The following UBAP1 variants were observed in gnomAD, a reference collection of about 807,000 sequenced individuals.
UBAP1 encodes the protein ubiquitin-associated protein 1.
Under a neutral mutation model 39.0 loss-of-function variants are expected in UBAP1, and 5 were observed. That is an observed-to-expected ratio of 0.13 (90% confidence interval 0.07 to 0.27). The LOEUF is 0.27. Ranked by LOEUF, UBAP1 falls within the 10% of genes least tolerant of loss-of-function variation. The probability of loss-of-function intolerance (pLI) is 1.00; values close to 1 mark genes in which losing one functional copy is unlikely to be tolerated. For synonymous variants in UBAP1, 211 were observed against 225.1 expected (o/e 0.94, Z 0.56); for missense variants, 490 against 608.1 (o/e 0.81, Z 2.04).
intron 2 of UBAP1, among the ~76,000 whole-genome samples, chr9:34,227,508 C>G (rs960556744): frequency 1.3e-5 from 2 of 152,194 alleles, no homozygotes; most frequent in African/African-American, 2.4e-5. Context: ...TTTCTCCCCC[C>G]ACCTGGAATT....
intron 1 of UBAP1, among the ~76,000 whole-genome samples, chr9:34,216,411 C>A (rs1306259633): frequency 2.0e-5 from 3 of 152,138 alleles, no homozygotes; most frequent in Non-Finnish European, 4.4e-5. Flanking sequence ...TGCTTTCAGT[C>A]TCTTTGGATT....
chr9:34,181,494 G>T (rs978521180), intron 1 of UBAP1, among the ~76,000 whole-genome samples: 17 of 151,052 alleles, frequency 1.1e-4, no homozygotes, highest in Non-Finnish European at 7.4e-5. Flanking sequence ...GTGCAGTGGC[G>T]CGATCTCGGC....
intron 2 of UBAP1, among the ~76,000 whole-genome samples, chr9:34,225,033 A>G (rs1338666161): frequency 6.6e-6 from 1 of 152,142 alleles, no homozygotes; most frequent in Non-Finnish European, 1.5e-5. Context: ...TAGAGATTTT[A>G]TATCTTTTGG....
intron 1 of UBAP1, among the ~76,000 whole-genome samples, chr9:34,215,985 A>C (rs756286142): frequency 6.6e-6 from 1 of 152,070 alleles, no homozygotes; most frequent in Non-Finnish European, 1.5e-5. Flanking sequence ...AGCTCTATTG[A>C]GGCATGATTT....
chr9:34,240,687 A>G (rs1587877799), intron 3 of UBAP1, among the ~76,000 whole-genome samples: 1 of 152,284 alleles, frequency 6.6e-6, no homozygotes, highest in East Asian at 1.9e-4. Flanking sequence ...GTGGTTTAAG[A>G]GCATAGAATC....
chr9:34,246,876 G>T (rs928876538), intron 4 of UBAP1, among the ~76,000 whole-genome samples: 1 of 152,184 alleles, frequency 6.6e-6, no homozygotes, highest in African/African-American at 2.4e-5. Flanking sequence ...AATTTGGAAA[G>T]ATTTCATAAT....
At chr9:34,222,125 C>CA (rs999834205) in intron 2 of UBAP1, among the ~76,000 whole-genome samples, 8 of 151,306 alleles carry the variant, frequency 5.3e-5, no homozygotes, top group South Asian at 4.2e-4. Flanking sequence ...CTGACTCAAA[C>CA]AAAAAAAATA....
intron 3 of UBAP1, among the ~76,000 whole-genome samples, chr9:34,235,329 G>A (rs200205685): frequency 2.2e-4 from 31 of 139,348 alleles, no homozygotes; most frequent in Middle Eastern, 3.8e-3. Flanking sequence ...GTGTGTGTGT[G>A]TGTATATATA....
At chr9:34,189,406 C>T (rs1156380724) in intron 1 of UBAP1, among the ~76,000 whole-genome samples, 5 of 151,632 alleles carry the variant, frequency 3.3e-5, no homozygotes, top group South Asian at 2.1e-4. Flanking sequence ...CTAGGCTGGT[C>T]GCAAACTCCT....
intron 1 of UBAP1, among the ~76,000 whole-genome samples, chr9:34,192,340 C>T (rs554346226): frequency 1.5e-4 from 23 of 151,696 alleles, no homozygotes; most frequent in African/African-American, 5.5e-4. Flanking sequence ...CATGGTGAAA[C>T]CCCGTCTCTA....
Position 34,251,757 on chromosome 9 carries a change from T to C in UBAP1, c.*225T>C, listed in dbSNP as rs961701082. The C allele has an allele frequency of 3.9e-6, 2 of 514,868 alleles. No individual in the cohort carries two copies. Among genetic ancestry groups the C allele is most frequent in the African/African-American group, 1.9e-5 (1 of 52,958 alleles). The allele number at this position is 514,868 out of a possible 1,614,324, so 31.9% of individuals were successfully genotyped here. On this transcript the variant is annotated 3_prime_UTR_variant, in exon 7 of 7. Transcript: ENST00000297661. The stretch of plus-strand genomic sequence containing the variant: ...CCCAGAACTGTCCTGGCTCCTTCCG[T>C]ATTAAACGCATTTGCATTTTGAGAA...
intron 1 of UBAP1, among the ~76,000 whole-genome samples, chr9:34,182,669 T>TCTCTCTC (rs1563881247): frequency 4.3e-5 from 2 of 47,040 alleles, no homozygotes; most frequent in African/African-American, 1.0e-4. Flanking sequence ...CTTTCTTTCT[T>TCTCTCTC]TCTTTCTTTC....
intron 1 of UBAP1, among the ~76,000 whole-genome samples, chr9:34,199,786 C>T (rs1831266093): frequency 6.6e-6 from 1 of 151,180 alleles, no homozygotes; most frequent in Admixed American, 6.6e-5. Flanking sequence ...CAGGCACGTG[C>T]CACCATGCCT....
intron 3 of UBAP1, among the ~76,000 whole-genome samples, chr9:34,235,523 T>A (rs1202780336): frequency 6.6e-6 from 1 of 152,090 alleles, no homozygotes; most frequent in Non-Finnish European, 1.5e-5. Context: ...TATTTTTTAG[T>A]AGAGACGGGG....
chr9:34,203,103 G>GT (rs1831492983), intron 1 of UBAP1, among the ~76,000 whole-genome samples: 1 of 152,122 alleles, frequency 6.6e-6, no homozygotes, highest in South Asian at 2.1e-4. Flanking sequence ...GGATTTTGCA[G>GT]TTTAATTCAC....
intron 1 of UBAP1, among the ~76,000 whole-genome samples, chr9:34,190,792 A>G (rs1587792726): frequency 7.0e-6 from 1 of 143,272 alleles, no homozygotes; most frequent in African/African-American, 2.6e-5. Flanking sequence ...TCATGCCACC[A>G]TGCCTGGCTC....
chr9:34,226,003 G>C (rs1040860143), intron 2 of UBAP1, among the ~76,000 whole-genome samples: 1 of 151,848 alleles, frequency 6.6e-6, no homozygotes, highest in African/African-American at 2.4e-5. Flanking sequence ...CATGTTTAAT[G>C]TATACATCTT....
chr9:34,234,364 G>C, intron 3 of UBAP1, 24 bp downstream of exon 3: 2 of 1,574,004 alleles, frequency 1.3e-6, no homozygotes, highest in Non-Finnish European at 1.7e-6. Flanking sequence ...TTTAGTTAAA[G>C]TTTAGTGCAT....
intron 1 of UBAP1, among the ~76,000 whole-genome samples, chr9:34,213,056 C>A (rs999229358): frequency 6.6e-6 from 1 of 152,118 alleles, no homozygotes; most frequent in Non-Finnish European, 1.5e-5. Context: ...ATATTTAAGT[C>A]AATAAATGTG....
Sources: gnomAD v4.1 joint callset for allele counts (sites outside exome capture counted in the v4.1 genomes callset) on GRCh38, gnomAD v4.1.1 for gene constraint, MANE v1.5 for transcripts, NCBI Gene and HGNC (gene_info 2026-07-23, HGNC 2026-07-21) for gene names.